Variants in CHRNA4 observed in about 807,000 individuals in gnomAD.
CHRNA4 encodes the protein cholinergic receptor nicotinic alpha 4 subunit.
A neutral mutation model predicts 48.9 loss-of-function variants in CHRNA4; 28 were observed. The ratio of observed to expected loss-of-function variants is 0.57; its 90% confidence interval spans 0.42 to 0.79. CHRNA4 has a LOEUF of 0.79. Among genes scored for constraint, CHRNA4 ranks in the 30% least tolerant of loss-of-function variants. The pLI, the probability that CHRNA4 is intolerant of heterozygous loss-of-function variation, is 0.00. For missense variants in CHRNA4, 859 were observed against 898.4 expected, an observed-to-expected ratio of 0.96 and a Z score of 0.56; for synonymous variants, 425 against 402.3, an observed-to-expected ratio of 1.06 and a Z score of -0.68.
rs201033859 is a variant in CHRNA4, at chr20:63,356,013, G to T, written c.345C>A (p.Ser115=). 1.4e-5 allele frequency: 22 copies of T among 1,611,404 alleles called. No individual in the cohort carries two copies. The highest frequency in any genetic ancestry group is 1.8e-5 in the Non-Finnish European group (21 of 1,179,600). Residue 115 remains serine, a synonymous_variant, in exon 4 of 6, where the codon TCC becomes TCA. Coordinates refer to ENST00000370263, the MANE Select transcript of CHRNA4 (RefSeq NM_000744.7). ...CGATGTCCGGCCGCCAGATGAGCTC[G>T]GAGGGGATGCGGATGGAGGTGACAT... ...YENVTSIRIP[S]ELIWRPDIVL... is the part of the protein sequence containing the mutation.
In CHRNA4 at chr20:63,346,204, G is replaced by A. The variant is rs2236196; in HGVS notation, c.*534C>T. ...CTCTCCTAGCGAAGCAGATTGGAGC[G>A]CTGCTGGCTCACCCTCATGGGGCCC... On this transcript the variant is annotated 3_prime_UTR_variant, in exon 6 of 6. Transcript: ENST00000370263. The A allele has an allele frequency of 0.68, 308,868 of 454,030 alleles. 109,115 individuals carry two copies. Among genetic ancestry groups the A allele is most frequent in the East Asian group, 0.86 (12,378 of 14,370 alleles). 28.1% of individuals were successfully genotyped at this position (454,030 alleles called of 1,614,324 possible).
rs767007109 is a variant in CHRNA4 at position 63,345,029 on chromosome 20, A to G, written c.*1709T>C. ...GCACCCGGGGGTGGGGGTGACCAGC[A>G]GCAGTTCAGAGGCAGGTGTGGGCAA... On this transcript the variant is annotated 3_prime_UTR_variant, in exon 6 of 6. Transcript: ENST00000370263. This position sits in a 1 kb window ranked among gnomAD's most constrained non-coding sequence, Gnocchi z 5.4. The G allele has an allele frequency of 6.5e-5, 29 of 449,032 alleles. No individual in the cohort carries two copies. The highest frequency in any genetic ancestry group is 9.0e-6 in the Non-Finnish European group (2 of 222,786). 27.8% of individuals were successfully genotyped at this position (449,032 alleles called of 1,614,324 possible).
chr20:63,351,443 G>A (rs928442685), intron 4 of CHRNA4, among the ~76,000 whole-genome samples: 3 of 152,232 alleles, frequency 2.0e-5, no homozygotes, highest in African/African-American at 7.2e-5. Context: ...CACTGCTGCT[G>A]GTGATTACCC....
chr20:63,356,555 T>C (rs2068722068), intron 2 of CHRNA4, 140 bp from the exon 3 acceptor site: 5 of 875,330 alleles, frequency 5.7e-6, no homozygotes, highest in Non-Finnish European at 9.3e-6. Context: ...AGGGGGTGAG[T>C]GCCCCGTCCC....
rs1048677024 is a variant in CHRNA4 at position 63,350,805 on chromosome 20, G to A, written c.606C>T (p.Asp202=). Residue 202 remains aspartate (D), a synonymous_variant, in exon 5 of 6, where the codon GAC becomes GAT. Coordinates refer to ENST00000370263, the MANE Select transcript of CHRNA4 (RefSeq NM_000744.7). ...TGACCCACTCGCCACTCTCCCAGAAGTCCAGCTGGTCCACGCGGCTGTGCA... is the reference window on the plus strand; with the variant it reads ...TGACCCACTCGCCACTCTCCCAGAAATCCAGCTGGTCCACGCGGCTGTGCA... ...VNMHSRVDQL[D]FWESGEWVIV... 6.2e-7 allele frequency: 1 copy of A among 1,613,914 alleles called. No individual in the cohort carries two copies. The highest frequency in any genetic ancestry group is 8.5e-7 in the Non-Finnish European group (1 of 1,179,946).
At chr20:63,357,841 A>C (rs1413729973) in intron 2 of CHRNA4, among the ~76,000 whole-genome samples, 1 of 152,174 alleles carries the variant, frequency 6.6e-6, no homozygotes, top group Non-Finnish European at 1.5e-5. Flanking sequence ...AGTCGGCTGC[A>C]GGGTGGAGAG....
At chr20:63,354,688 G>T in intron 4 of CHRNA4, 7 of 986,116 alleles carry the variant, frequency 7.1e-6, no homozygotes, top group Non-Finnish European at 8.4e-6. Context: ...TGCATTCCTG[G>T]AGGGCTGTGC....
intron 4 of CHRNA4, chr20:63,355,676 GTCCAGGTGCCATAGCCAC>G (rs1416700931): frequency 9.5e-7 from 1 of 1,048,480 alleles, no homozygotes; most frequent in African/African-American, 1.6e-5. Flanking sequence ...GGGACACTGT[GTCCAGGTGCCATAGCCAC>G]TCTCAGGCCC....
chr20:63,348,020 T>C lies in CHRNA4; in HGVS notation c.1759-1157A>G, dbSNP rs575008968. ...GGCCGCCCTCTCGCCCTTTCCTATG[T>C]GCCTTTAGTTCCCTGGGTTCTGTGT... On this transcript the variant is annotated intron_variant, in intron 5 of 5. Transcript: ENST00000370263. Among the ~76,000 whole-genome samples, 11 of 152,352 alleles carry C rather than the reference T, an allele frequency of 7.2e-5. No individual in the cohort carries two copies. The East Asian group carries it at 2.1e-3, about 29-fold the overall frequency.
chr20:63,353,369 C>T (rs1269111616), intron 4 of CHRNA4, among the ~76,000 whole-genome samples: 4 of 151,514 alleles, frequency 2.6e-5, no homozygotes, highest in Non-Finnish European at 5.9e-5. Flanking sequence ...CACCCCACTA[C>T]ATCCCACAGG....
chr20:63,351,842 C>T (rs1021150316), intron 4 of CHRNA4, among the ~76,000 whole-genome samples: 1 of 152,244 alleles, frequency 6.6e-6, no homozygotes, highest in African/African-American at 2.4e-5. Flanking sequence ...GAACTCCTCC[C>T]GGTAGGCAGA....
intron 3 of CHRNA4, 99 bp downstream of exon 3, chr20:63,356,272 G>A (rs1392072208): frequency 1.8e-6 from 2 of 1,089,908 alleles, no homozygotes; most frequent in Non-Finnish European, 2.7e-6. Context: ...GAGGGCAGGG[G>A]TGGGGCAGGG....
At chr20:63,346,975 G>A (rs1406222927) in intron 5 of CHRNA4, 112 bp from the exon 6 acceptor site, 23 of 1,521,364 alleles carry the variant, frequency 1.5e-5, no homozygotes, top group Middle Eastern at 1.9e-4. Context: ...CCTTCCACCC[G>A]AGGCAGCCAT....
At chr20:63,354,090 C>A (rs1000858319) in intron 4 of CHRNA4, among the ~76,000 whole-genome samples, 1 of 109,422 alleles carries the variant, frequency 9.1e-6, no homozygotes, top group Admixed American at 1.0e-4. Flanking sequence ...TGCAGTTCTG[C>A]AGGAGGCACT....
chr20:63,356,557 C>T (rs2068722093), intron 2 of CHRNA4, 142 bp from the exon 3 acceptor site: 2 of 867,818 alleles, frequency 2.3e-6, no homozygotes, highest in African/African-American at 1.7e-5. Context: ...GGGGTGAGTG[C>T]CCCGTCCCTG....
Position 63,350,134 on chromosome 20 carries a change from G to C in CHRNA4, c.1277C>G (p.Ser426Cys). 3 of 1,567,158 alleles carry C rather than the reference G, an allele frequency of 1.9e-6. No homozygotes were observed. Among genetic ancestry groups the C allele is most frequent in the East Asian group, 2.3e-5 (1 of 43,204 alleles). The change falls in exon 5 of 6, where the codon TCC becomes TGC. Residue 426 changes from serine to cysteine, a missense_variant. Ser to Cys is a moderately radical substitution (Grantham distance 112). Coordinates refer to ENST00000370263, the MANE Select transcript of CHRNA4 (RefSeq NM_000744.7). ...GGGCTGCTGAGGAGGGAGCTGGTCGGAGGGTGACTTGCAGGAAGGCCCAGG... is the reference window on the plus strand; with the variant it reads ...GGGCTGCTGAGGAGGGAGCTGGTCGCAGGGTGACTTGCAGGAAGGCCCAGG... Reference protein sequence around the residue: ...AEPGPSCKSPSDQLPPQQPLE... With the variant: ...AEPGPSCKSPCDQLPPQQPLE...
At chr20:63,359,886 C>CG (rs1568820018) in intron 1 of CHRNA4, 187 bp from the exon 2 acceptor site, 40 of 594,424 alleles carry the variant, frequency 6.7e-5, no homozygotes, top group Middle Eastern at 4.6e-4. Context: ...TGTGTGTGTG[C>CG]CGGGCGTGTG....
At position 63,350,216 on chromosome 20, in the gene CHRNA4, G is replaced by C. The variant is rs182745173; in HGVS notation, c.1195C>G (p.Gln399Glu). The change falls in exon 5 of 6, where the codon CAG becomes GAG. Residue 399 changes from glutamine to glutamate, a missense_variant. This residue lies in a region of CHRNA4 where 478 missense variants were observed against 455.4 expected (regional missense o/e 1.05). Coordinates refer to ENST00000370263, the MANE Select transcript of CHRNA4 (RefSeq NM_000744.7). ...GACGGTGAGGGCGGGTGCAGGCTCT[G>C]GGTGCCGCTCGTGGCAGGGGGCTCC... is the stretch of plus-strand genomic sequence containing the variant. ...EGEPPATSGT[Q>E]SLHPPSPSFC... The C allele has an allele frequency of 8.1e-6, 13 of 1,605,812 alleles. No individual in the cohort carries two copies. The East Asian group carries it at 2.9e-4, about 36-fold the overall frequency.
rs763574816 is a variant in CHRNA4 at position 63,344,993 on chromosome 20, C to A, written c.*1745G>T. Reference sequence around the variant, plus strand: ...GGCACAAAAGCCCCAGCCTCAGGACCCCGGTCACAGGCACCCGGGGGTGGG... The same window carrying A: ...GGCACAAAAGCCCCAGCCTCAGGACACCGGTCACAGGCACCCGGGGGTGGG... On this transcript the variant is annotated 3_prime_UTR_variant, in exon 6 of 6. Coordinates refer to ENST00000370263, the MANE Select transcript of CHRNA4 (RefSeq NM_000744.7). The surrounding 1 kb of genome is among the most constrained non-coding windows in gnomAD (Gnocchi z 4.5). 3 of 435,184 alleles carry A rather than the reference C, an allele frequency of 6.9e-6. No individual in the cohort carries two copies. The highest frequency in any genetic ancestry group is 1.4e-5 in the Non-Finnish European group (3 of 213,408). The allele number at this position is 435,184 out of a possible 1,614,324, so 27.0% of individuals were successfully genotyped here.
Sources: allele counts gnomAD v4.1 joint callset (sites outside exome capture counted in the v4.1 genomes callset), GRCh38; gene constraint gnomAD v4.1.1; regional missense constraint gnomAD v4.1.1; non-coding constraint Gnocchi (gnomAD v3.1); transcripts MANE v1.5; gene names NCBI Gene and HGNC (gene_info 2026-07-23, HGNC 2026-07-21).